Variants in DHRS4L2 observed in about 807,000 individuals in gnomAD.
DHRS4L2 encodes dehydrogenase/reductase SDR family member 4-like 2.
Under a neutral mutation model 23.9 loss-of-function variants are expected in DHRS4L2, and 22 were observed. The observed-to-expected ratio is 0.92, with a 90% CI of 0.66 to 1.31. The LOEUF (loss-of-function observed/expected upper bound fraction) is 1.31. DHRS4L2 is among the 40% of genes most tolerant of loss of function. The probability of loss-of-function intolerance (pLI) is 0.00; values close to 1 mark genes in which losing one functional copy is unlikely to be tolerated. For missense variants in DHRS4L2, 385 were observed against 303.3 expected (o/e 1.27, Z -2.00); for synonymous variants, 141 against 123.7 (o/e 1.14, Z -0.93).
At chr14:23,996,649 C>T (rs2034388096) in intron 3 of DHRS4L2, among the ~76,000 whole-genome samples, 1 of 144,042 alleles carries the variant, frequency 6.9e-6, no homozygotes, top group African/African-American at 2.6e-5. Flanking sequence ...TGTCTTTTTT[C>T]CTTTTTTTTT....
intron 1 of DHRS4L2, among the ~76,000 whole-genome samples, chr14:23,972,951 C>T (rs183525297): frequency 1.3e-5 from 2 of 152,046 alleles, no homozygotes; most frequent in African/African-American, 4.8e-5. Context: ...TAAAGAATAA[C>T]AAGGCAGCAT....
chr14:23,983,472 A>G (rs2332151), intron 1 of DHRS4L2, among the ~76,000 whole-genome samples: 1 of 151,644 alleles, frequency 6.6e-6, no homozygotes, highest in African/African-American at 2.4e-5. Context: ...AGACAGTGTG[A>G]CCATTCCTCA....
chr14:23,981,318 G>A (rs895615089), intron 1 of DHRS4L2, among the ~76,000 whole-genome samples: 3 of 151,586 alleles, frequency 2.0e-5, no homozygotes, highest in Non-Finnish European at 2.9e-5. Context: ...ACAAACAAAT[G>A]GAAAAACAGT....
rs780097678 is a variant in DHRS4L2, at chr14:23,990,258, G to A, written c.205G>A (p.Val69Met). 2.5e-6 allele frequency: 4 copies of A among 1,612,740 alleles called. No homozygotes were observed. The highest frequency in any genetic ancestry group is 1.6e-4 in the Middle Eastern group (1 of 6,078). Residue 69 changes from valine to methionine, a missense_variant, in exon 2 of 8, where the codon GTG (valine) becomes ATG (methionine). Physicochemically the swap from Val to Met is conservative, Grantham distance 21. Coordinates refer to ENST00000335125, the MANE Select transcript of DHRS4L2 (RefSeq NM_198083.4). ...VVVSSRKQQN[V>M]DQAVATLQGE... ...CGTCAGCAGCCGGAAGCAGCAGAAT[G>A]TGGACCAGGCGGTGGCCACGCTGCA...
intron 1 of DHRS4L2, among the ~76,000 whole-genome samples, chr14:23,977,875 T>C (rs539349069): frequency 5.3e-5 from 8 of 151,640 alleles, no homozygotes; most frequent in Admixed American, 5.2e-4. Flanking sequence ...TTCCCAAAAA[T>C]AAACACTGCG....
upstream of DHRS4L2, chr14:23,988,812 C>A (rs1018801539): frequency 1.5e-4 from 207 of 1,404,836 alleles, 5 homozygotes; most frequent in Non-Finnish European, 1.9e-4. Context: ...AGGCGCCAAC[C>A]GCCACAGACG....
upstream of DHRS4L2, chr14:23,988,630 T>G (rs1430997251): frequency 2.7e-6 from 1 of 371,792 alleles, no homozygotes; most frequent in African/African-American, 2.1e-5. Context: ...GACAAGCAGA[T>G]GCAGAAGGGC....
chr14:23,996,479 C>A (rs899650098), intron 3 of DHRS4L2, among the ~76,000 whole-genome samples: 2 of 150,492 alleles, frequency 1.3e-5, no homozygotes, highest in African/African-American at 4.8e-5. Flanking sequence ...ATATTAAAAA[C>A]AACAACAACA....
intron 2 of DHRS4L2, among the ~76,000 whole-genome samples, chr14:23,992,063 C>T (rs1375688966): frequency 6.6e-6 from 1 of 151,544 alleles, no homozygotes; most frequent in African/African-American, 2.4e-5. Flanking sequence ...ACGTTAAGGA[C>T]CTTAAAAGGA....
intron 2 of DHRS4L2, among the ~76,000 whole-genome samples, chr14:23,992,480 G>A (rs548391660): frequency 6.6e-6 from 1 of 151,408 alleles, no homozygotes; most frequent in Admixed American, 6.6e-5. Flanking sequence ...AAAAGCCACT[G>A]CCCTGAGAAT....
intron 1 of DHRS4L2, among the ~76,000 whole-genome samples, chr14:23,976,058 A>G (rs911060659): frequency 6.6e-6 from 1 of 151,512 alleles, no homozygotes; most frequent in African/African-American, 2.4e-5. Flanking sequence ...CAAAGACTTC[A>G]TGATAAAAAC....
chr14:23,994,930 T>G (rs1006972905), intron 2 of DHRS4L2, 102 bp from the exon 3 acceptor site: 44 of 1,411,192 alleles, frequency 3.1e-5, no homozygotes, highest in Non-Finnish European at 4.2e-5. Flanking sequence ...ATTACAGGCA[T>G]GAGCCACAGC....
intron 4 of DHRS4L2, 38 bp from the exon 5 acceptor site, chr14:24,000,995 C>A (rs376879565): frequency 6.2e-7 from 1 of 1,611,334 alleles, no homozygotes; most frequent in Non-Finnish European, 8.5e-7. Flanking sequence ...GGGCAGTGGT[C>A]CACACTGGGA....
At chr14:23,975,126 GAA>G (rs1255897966) in intron 1 of DHRS4L2, among the ~76,000 whole-genome samples, 1 of 151,654 alleles carries the variant, frequency 6.6e-6, no homozygotes. Context: ...ATTCAATTAG[GAA>G]AAGAGGAAGT....
At chr14:23,988,164 G>A (rs55869357), upstream of DHRS4L2, among the ~76,000 whole-genome samples, 14,963 of 149,336 alleles carry the variant, frequency 0.1, 936 homozygotes, top group East Asian at 0.22. Context: ...GAACTAGGAT[G>A]GAGGCTAAGA....
At chr14:23,988,733 C>T (rs965969094), upstream of DHRS4L2, 2 of 1,346,240 alleles carry the variant, frequency 1.5e-6, no homozygotes, top group African/African-American at 3.0e-5. Flanking sequence ...ACTCACCAGC[C>T]CGGGAAGGCA....
intron 2 of DHRS4L2, among the ~76,000 whole-genome samples, chr14:23,993,711 G>A (rs144768899): frequency 0.022 from 3,377 of 151,698 alleles, 109 homozygotes; most frequent in Middle Eastern, 0.054. Context: ...TTCAGTTTCT[G>A]CCTTGAATCT....
upstream of DHRS4L2, chr14:23,988,831 C>T: frequency 2.8e-6 from 4 of 1,434,538 alleles, no homozygotes; most frequent in Non-Finnish European, 3.7e-6. Context: ...CGACTCCCAG[C>T]TGGCCGAGGG....
upstream of DHRS4L2, among the ~76,000 whole-genome samples, chr14:23,984,485 C>T (rs2008662): frequency 2.6e-3 from 401 of 151,508 alleles, 6 homozygotes; most frequent in African/African-American, 9.3e-3. Context: ...ATCACTCACT[C>T]GACTTTCACA....
Sources: gnomAD v4.1 joint callset for allele counts (sites outside exome capture counted in the v4.1 genomes callset) on GRCh38, gnomAD v4.1.1 for gene constraint, MANE v1.5 for transcripts, NCBI Gene and HGNC (gene_info 2026-07-23, HGNC 2026-07-21) for gene names.